The following RASGEF1C variants were observed in gnomAD, a reference collection of about 807,000 sequenced individuals.
RASGEF1C encodes ras-GEF domain-containing family member 1C.
A neutral mutation model predicts 58.1 loss-of-function variants in RASGEF1C; 27 were observed. That is an observed-to-expected ratio of 0.46 (90% CI 0.34 to 0.64). The LOEUF is 0.64. RASGEF1C is among the 30% of genes least tolerant of loss of function. RASGEF1C has a pLI of 0.01. For missense variants in RASGEF1C, 502 were observed against 605.1 expected (o/e 0.83, Z 1.79); for synonymous variants, 243 against 246.3 (o/e 0.99, Z 0.13).
chr5:180,108,707 A>C (rs1209447706), intron 12 of RASGEF1C, among the ~76,000 whole-genome samples: 1 of 152,114 alleles, frequency 6.6e-6, no homozygotes, highest in East Asian at 1.9e-4. Flanking sequence ...GAGACTTTCT[A>C]TATTTTCATT....
chr5:180,127,229 C>T (rs924316392), intron 6 of RASGEF1C, among the ~76,000 whole-genome samples: 4 of 152,116 alleles, frequency 2.6e-5, no homozygotes, highest in Non-Finnish European at 4.4e-5. Context: ...TGGAGGGCAC[C>T]GGCGCCCACC....
intron 4 of RASGEF1C, among the ~76,000 whole-genome samples, chr5:180,132,466 T>G (rs1378116030): frequency 6.6e-6 from 1 of 152,154 alleles, no homozygotes; most frequent in African/African-American, 2.4e-5. Flanking sequence ...TCTAGGAGAC[T>G]CCCTCCTGAG....
chr5:180,198,345 G>A lies in RASGEF1C; in HGVS notation c.-7+10683C>T, dbSNP rs1756317039. Among the ~76,000 whole-genome samples, 1 of 152,228 alleles carries A rather than the reference G, an allele frequency of 6.6e-6. No individual in the cohort carries two copies. The highest frequency in any genetic ancestry group is 1.5e-5 in the Non-Finnish European group (1 of 68,048). On this transcript the variant is annotated intron_variant, in intron 1 of 13. Coordinates refer to ENST00000361132, the MANE Select transcript of RASGEF1C (RefSeq NM_175062.4). The surrounding 1 kb of genome is among the most constrained non-coding windows in gnomAD (Gnocchi z 4.5). The stretch of plus-strand genomic sequence containing the variant: ...GACGCCTGCCTTGGCCAGCTCTGGC[G>A]TTGAGAGCCCCATCTGGTGTCTGAG...
intron 1 of RASGEF1C, among the ~76,000 whole-genome samples, chr5:180,195,043 G>A (rs182790920): frequency 3.3e-5 from 5 of 152,354 alleles, no homozygotes; most frequent in East Asian, 3.9e-4. Flanking sequence ...CGACCAGGGC[G>A]GGGCCCAGTG....
At chr5:180,118,950 G>C in intron 8 of RASGEF1C, 84 bp from the exon 9 acceptor site, 1 of 1,287,828 alleles carries the variant, frequency 7.8e-7, no homozygotes, top group Non-Finnish European at 1.1e-6. Context: ...ACTGCACCCT[G>C]ACCAGGGCTG....
chr5:180,201,053 G>A (rs916844731), intron 1 of RASGEF1C, among the ~76,000 whole-genome samples: 25 of 152,294 alleles, frequency 1.6e-4, no homozygotes, highest in Admixed American at 8.5e-4. Flanking sequence ...AGCTGTGATC[G>A]CACCAGCGCA....
chr5:180,198,504 A>T lies in RASGEF1C; in HGVS notation c.-7+10524T>A, dbSNP rs915540829. 6.6e-6 allele frequency among the ~76,000 whole-genome samples: 1 copy of T among 152,204 alleles called. No homozygotes were observed. Among genetic ancestry groups the T allele is most frequent in the Non-Finnish European group, 1.5e-5 (1 of 68,034 alleles). On this transcript the variant is annotated intron_variant, in intron 1 of 13. Transcript: ENST00000361132. The surrounding 1 kb of genome is among the most constrained non-coding windows in gnomAD (Gnocchi z 4.5). ...GTAGAAATGTATGCCTCACAGTTCT[A>T]GAGGCAGAGAAGTCCAAGATCAAGT...
chr5:180,154,546 C>A (rs1177590131), intron 1 of RASGEF1C, among the ~76,000 whole-genome samples: 1 of 151,652 alleles, frequency 6.6e-6, no homozygotes, highest in East Asian at 1.9e-4. Context: ...GACAAGTTAC[C>A]AGCTGCTGAC....
chr5:180,140,966 G>A (rs544017487), intron 1 of RASGEF1C, among the ~76,000 whole-genome samples: 1 of 152,328 alleles, frequency 6.6e-6, no homozygotes, highest in South Asian at 2.1e-4. Context: ...GTCAGGGAGT[G>A]TGCAGAGTGA....
rs1234149840 is a variant in RASGEF1C, at chr5:180,198,013, T to C, written c.-7+11015A>G. 1.3e-5 allele frequency among the ~76,000 whole-genome samples: 2 copies of C among 152,194 alleles called. No homozygotes were observed. Among genetic ancestry groups the C allele is most frequent in the Non-Finnish European group, 2.9e-5 (2 of 68,034 alleles). ...GAACTGGCAACAGCGGTGCCTGAGT[T>C]AGCGTATTCCAAATTCATAAACCAA... On this transcript the variant is annotated intron_variant, in intron 1 of 13. Transcript: ENST00000361132. The surrounding 1 kb of genome is among the most constrained non-coding windows in gnomAD (Gnocchi z 4.5).
intron 1 of RASGEF1C, among the ~76,000 whole-genome samples, chr5:180,184,670 C>T (rs1037494580): frequency 2.0e-5 from 3 of 152,056 alleles, no homozygotes; most frequent in Non-Finnish European, 4.4e-5. Flanking sequence ...TCTACAAGAA[C>T]CCAAGTTTAA....
chr5:180,164,239 A>AT (rs1286864076), intron 1 of RASGEF1C, among the ~76,000 whole-genome samples: 1 of 151,856 alleles, frequency 6.6e-6, no homozygotes, highest in African/African-American at 2.4e-5. Context: ...TTCCACACTT[A>AT]TTTTTTATCA....
chr5:180,180,995 C>A (rs1025685824), intron 1 of RASGEF1C, among the ~76,000 whole-genome samples: 1 of 152,236 alleles, frequency 6.6e-6, no homozygotes, highest in East Asian at 1.9e-4. Context: ...CCACGCAGGG[C>A]ACTATCAATC....
At chr5:180,173,268 G>A (rs1767142359) in intron 1 of RASGEF1C, among the ~76,000 whole-genome samples, 1 of 152,194 alleles carries the variant, frequency 6.6e-6, no homozygotes, top group Non-Finnish European at 1.5e-5. Context: ...CTGTTTGTTG[G>A]CCAGAACCAA....
At chr5:180,121,677 A>C (rs959889481) in intron 6 of RASGEF1C, among the ~76,000 whole-genome samples, 8 of 29,686 alleles carry the variant, frequency 2.7e-4, no homozygotes, top group African/African-American at 6.9e-4. Context: ...ACACACACAC[A>C]CACACCCTCA....
chr5:180,149,237 A>T (rs1766708815), intron 1 of RASGEF1C, among the ~76,000 whole-genome samples: 2 of 151,168 alleles, frequency 1.3e-5, no homozygotes, highest in African/African-American at 4.9e-5. Context: ...ACAGGTACAC[A>T]CTACCACGCC....
chr5:180,114,920 G>A (rs1485236326), intron 10 of RASGEF1C, among the ~76,000 whole-genome samples: 1 of 152,228 alleles, frequency 6.6e-6, no homozygotes, highest in African/African-American at 2.4e-5. Flanking sequence ...CCATCCAAAG[G>A]TCCACAGGCT....
In RASGEF1C at chr5:180,128,394, G is replaced by T; in HGVS notation, c.639+16C>A. On this transcript the variant is annotated intron_variant, in intron 5 of 13. Coordinates refer to ENST00000361132, the MANE Select transcript of RASGEF1C (RefSeq NM_175062.4). ...TGCTGAATCCCGGGTGAGGAAGGTG[G>T]TTTGGGCCGGCTTACCAGTTCCACG... 3 of 1,610,742 alleles carry T rather than the reference G, an allele frequency of 1.9e-6. No individual in the cohort carries two copies. In the South Asian group the frequency reaches 3.3e-5, roughly 18 times the overall value.
At chr5:180,174,985 A>AC (rs1230242332) in intron 1 of RASGEF1C, among the ~76,000 whole-genome samples, 2 of 152,270 alleles carry the variant, frequency 1.3e-5, no homozygotes, top group East Asian at 3.9e-4. Flanking sequence ...GTTGCCAGGC[A>AC]CAGGGACTCT....
Sources: gnomAD v4.1 joint callset for allele counts (sites outside exome capture counted in the v4.1 genomes callset) on GRCh38, gnomAD v4.1.1 for gene constraint, Gnocchi (gnomAD v3.1) non-coding constraint, MANE v1.5 for transcripts, NCBI Gene and HGNC (gene_info 2026-07-23, HGNC 2026-07-21) for gene names.